Variants in ITPR2 observed in about 807,000 individuals in gnomAD.
ITPR2 encodes the protein inositol 1,4,5-trisphosphate receptor type 2.
Under a neutral mutation model 317.1 loss-of-function variants are expected in ITPR2, and 207 were observed. That is an observed-to-expected ratio of 0.65 (90% CI 0.58 to 0.73). ITPR2 has a LOEUF of 0.73. Among genes scored for constraint, ITPR2 ranks in the 30% least tolerant of loss-of-function variants. The pLI is 0.00. For missense variants in ITPR2, 2,613 were observed against 3,284.0 expected, an observed-to-expected ratio of 0.80 and a Z score of 4.99; for synonymous variants, 1,156 against 1,149.1, an observed-to-expected ratio of 1.01 and a Z score of -0.12.
intron 37 of ITPR2, among the ~76,000 whole-genome samples, chr12:26,529,624 T>C (rs1276028392): frequency 2.0e-5 from 3 of 152,216 alleles, no homozygotes; most frequent in African/African-American, 7.2e-5. Context: ...TAATGCCAGC[T>C]GGGTCATGGG....
intron 2 of ITPR2, among the ~76,000 whole-genome samples, chr12:26,729,851 A>G (rs939350971): frequency 3.3e-5 from 5 of 152,114 alleles, no homozygotes; most frequent in Admixed American, 6.5e-5. Flanking sequence ...AAAATAACTA[A>G]TGAGTACAAG....
At chr12:26,562,068 T>C in intron 34 of ITPR2, 116 bp from the exon 35 acceptor site, 1 of 680,154 alleles carries the variant, frequency 1.5e-6, no homozygotes, top group Non-Finnish European at 2.2e-6. Context: ...AACTCTGCCA[T>C]TAACTTGTTT....
intron 45 of ITPR2, among the ~76,000 whole-genome samples, chr12:26,471,577 G>A (rs1366065970): frequency 1.3e-5 from 2 of 152,090 alleles, no homozygotes; most frequent in African/African-American, 2.4e-5. Context: ...AGCATTATTT[G>A]TTTCTTGTAA....
At chr12:26,606,730 G>T (rs1946137087) in intron 26 of ITPR2, among the ~76,000 whole-genome samples, 1 of 152,068 alleles carries the variant, frequency 6.6e-6, no homozygotes, top group Non-Finnish European at 1.5e-5. Flanking sequence ...CCAAGAGTTT[G>T]AGGTTAGCGT....
intron 55 of ITPR2, among the ~76,000 whole-genome samples, chr12:26,355,765 TG>T (rs1375736625): frequency 1.3e-5 from 2 of 152,190 alleles, no homozygotes; most frequent in Non-Finnish European, 2.9e-5. Context: ...GTCTCTCTAC[TG>T]GTCTCTGAGC....
intron 48 of ITPR2, among the ~76,000 whole-genome samples, chr12:26,433,254 T>C (rs752815789): frequency 6.6e-6 from 1 of 152,180 alleles, no homozygotes. Flanking sequence ...TCCACTTGGA[T>C]ATCCTAAGCT....
rs1945821202 is a variant in ITPR2, at chr12:26,595,486, G to C, written c.4359C>G (p.Asn1453Lys). Reference protein sequence around the residue: ...TSNHIWKLFENFLVDMARVCN... With the variant: ...TSNHIWKLFEKFLVDMARVCN... ...TTACCCTTGCCATATCCACCAAGAA[G>C]TTCTCAAATAATTTCCAAATGTGGT... Residue 1453 changes from asparagine to lysine, a missense_variant, in exon 32 of 57, where the codon AAC becomes AAG. This residue lies in a region of ITPR2 where 926 missense variants were observed against 1,072.8 expected (regional missense o/e 0.86). Coordinates refer to ENST00000381340, the MANE Select transcript of ITPR2 (RefSeq NM_002223.4). 6.2e-7 allele frequency: 1 copy of C among 1,608,332 alleles called. No homozygotes were observed. Among genetic ancestry groups the C allele is most frequent in the Non-Finnish European group, 8.5e-7 (1 of 1,178,396 alleles).
At chr12:26,636,615 C>T (rs905155616) in intron 21 of ITPR2, among the ~76,000 whole-genome samples, 10 of 152,116 alleles carry the variant, frequency 6.6e-5, no homozygotes, top group Admixed American at 5.9e-4. Context: ...TTCCTTTATA[C>T]TTCTCCCTTT....
chr12:26,339,510 C>T (rs938524662), intron 56 of ITPR2, 27 bp from the exon 57 acceptor site: 1 of 1,599,074 alleles, frequency 6.3e-7, no homozygotes, highest in East Asian at 2.2e-5. Context: ...AGTGTGTGTT[C>T]AGCGGATTTT....
chr12:26,624,304 C>T lies in ITPR2; in HGVS notation c.3117G>A (p.Ala1039=), dbSNP rs181882476. The change falls in exon 24 of 57, where the codon GCG becomes GCA. Residue 1039 remains alanine, a synonymous_variant. Coordinates refer to ENST00000381340, the MANE Select transcript of ITPR2 (RefSeq NM_002223.4). The stretch of plus-strand genomic sequence containing the variant: ...ATATATAAATGTTACTATACCTTCC[C>T]GCAAACATAGTTTCTGCCTGAGCTG... ...EIAAQAETMF[A]GRKEKNPVQL... 61 of 1,601,496 alleles carry T rather than the reference C, an allele frequency of 3.8e-5. No homozygotes were observed. Among genetic ancestry groups the T allele is most frequent in the Non-Finnish European group, 4.8e-5 (56 of 1,170,694 alleles).
chr12:26,378,454 T>C (rs1033346191), intron 55 of ITPR2, among the ~76,000 whole-genome samples: 13 of 152,130 alleles, frequency 8.5e-5, no homozygotes, highest in Non-Finnish European at 1.8e-4. Context: ...ACTGGTAATA[T>C]AGAATGGGGC....
At chr12:26,588,506 T>A (rs1262091214) in intron 32 of ITPR2, among the ~76,000 whole-genome samples, 1 of 152,226 alleles carries the variant, frequency 6.6e-6, no homozygotes, top group East Asian at 1.9e-4. Flanking sequence ...CTCATTCAAC[T>A]TAAGAAATTC....
intron 34 of ITPR2, among the ~76,000 whole-genome samples, chr12:26,578,038 C>T (rs1945316212): frequency 6.6e-6 from 1 of 152,170 alleles, no homozygotes; most frequent in African/African-American, 2.4e-5. Flanking sequence ...AACTGCCTTT[C>T]CCAATGTCTG....
chr12:26,439,308 A>C lies in ITPR2; in HGVS notation c.6462T>G (p.His2154Gln). ...AAACTATTTGTTCCATGGTCCTATCATGCCGGACAATCTGAAAACATTAAT... is the reference window on the plus strand; with the variant it reads ...AAACTATTTGTTCCATGGTCCTATCCTGCCGGACAATCTGAAAACATTAAT... ...NHTAQIEIVR[H>Q]DRTMEQIVFP... is the part of the protein sequence containing the mutation. Residue 2154 changes from histidine to glutamine, a missense_variant, in exon 47 of 57, where the codon CAT becomes CAG. Physicochemically the swap from His to Gln is conservative, Grantham distance 24. Coordinates refer to ENST00000381340, the MANE Select transcript of ITPR2 (RefSeq NM_002223.4). 6.3e-7 allele frequency: 1 copy of C among 1,596,694 alleles called. No homozygotes were observed. Among genetic ancestry groups the C allele is most frequent in the Non-Finnish European group, 8.5e-7 (1 of 1,172,556 alleles).
At chr12:26,689,159 A>G (rs1423763698) in intron 10 of ITPR2, among the ~76,000 whole-genome samples, 1 of 152,132 alleles carries the variant, frequency 6.6e-6, no homozygotes, top group Non-Finnish European at 1.5e-5. Flanking sequence ...GCTCATGCCT[A>G]TAATCCTAGC....
At position 26,596,484 on chromosome 12, in the gene ITPR2, T is replaced by C. The variant is rs962373011; in HGVS notation, c.4254+399A>G. Among the ~76,000 whole-genome samples the C allele has an allele frequency of 3.9e-5, 6 of 152,046 alleles. 1 individual carries two copies. The highest frequency in any genetic ancestry group is 3.9e-4 in the Admixed American group (6 of 15,280). On this transcript the variant is annotated intron_variant, in intron 31 of 56. Coordinates refer to ENST00000381340, the MANE Select transcript of ITPR2 (RefSeq NM_002223.4). ...CAACATGGTGAAACCCCATTTCTAC[T>C]AAAAATACAAAAATTAGCTGAGCAT...
At chr12:26,342,469 C>T (rs977000665) in intron 55 of ITPR2, among the ~76,000 whole-genome samples, 3 of 59,212 alleles carry the variant, frequency 5.1e-5, no homozygotes, top group Admixed American at 2.4e-4. Context: ...GGAAGTGGAC[C>T]GAATGGGAGG....
intron 37 of ITPR2, among the ~76,000 whole-genome samples, chr12:26,499,539 T>C (rs1370686679): frequency 6.6e-6 from 1 of 152,208 alleles, no homozygotes; most frequent in Non-Finnish European, 1.5e-5. Context: ...TCTGTGATAA[T>C]TAAATAGTTA....
intron 2 of ITPR2, among the ~76,000 whole-genome samples, chr12:26,787,027 G>A (rs761365558): frequency 2.0e-4 from 30 of 151,730 alleles, no homozygotes; most frequent in Non-Finnish European, 4.0e-4. Context: ...AAAAAAAAAT[G>A]GGGGAAATAT....
Sources: allele counts gnomAD v4.1 joint callset (sites outside exome capture counted in the v4.1 genomes callset), GRCh38; gene constraint gnomAD v4.1.1; regional missense constraint gnomAD v4.1.1; transcripts MANE v1.5; gene names NCBI Gene and HGNC (gene_info 2026-07-23, HGNC 2026-07-21).